The following RGS7 variants were observed in gnomAD, a reference collection of about 807,000 sequenced individuals.
RGS7 encodes regulator of G-protein signaling 7.
In RGS7, 27 loss-of-function variants were observed where a neutral mutation model predicts 81.1. The ratio of observed to expected loss-of-function variants is 0.33; its 90% CI spans 0.25 to 0.46. The LOEUF (loss-of-function observed/expected upper bound fraction) is 0.46. RGS7 is among the 20% of genes least tolerant of loss of function. The pLI, the probability that RGS7 is intolerant of heterozygous loss-of-function variation, is 1.00. For synonymous variants in RGS7, 208 were observed against 207.7 expected, an observed-to-expected ratio of 1.00 and a Z score of -0.01; for missense variants, 396 against 607.4, an observed-to-expected ratio of 0.65 and a Z score of 3.66.
Position 240,775,974 on chromosome 1 carries a change from C to T in RGS7, c.*246G>A, listed in dbSNP as rs1682870010. 1 of 619,646 alleles carries T rather than the reference C, an allele frequency of 1.6e-6. No individual in the cohort carries two copies. 38.4% of individuals were successfully genotyped at this position (619,646 alleles called of 1,614,324 possible). On this transcript the variant is annotated 3_prime_UTR_variant, in exon 19 of 19. Transcript: ENST00000440928. ...ATAGTAGAAGGAGAAAGAAAGCAGA[C>T]AACAGTTTGGAATGGAGGCATTGAG...
intron 2 of RGS7, among the ~76,000 whole-genome samples, chr1:241,234,161 C>T (rs891266229): frequency 6.6e-6 from 1 of 152,212 alleles, no homozygotes; most frequent in African/African-American, 2.4e-5. Flanking sequence ...TGCATGGACA[C>T]TGTCATTTCT....
intron 2 of RGS7, among the ~76,000 whole-genome samples, chr1:241,116,704 G>A (rs894979110): frequency 3.3e-5 from 5 of 152,092 alleles, no homozygotes; most frequent in African/African-American, 1.2e-4. Flanking sequence ...GGTACATAGT[G>A]ATGTTTCAAT....
In RGS7 at chr1:240,814,778, C is replaced by T; in HGVS notation, c.784-1G>A. On this transcript the variant is annotated splice_acceptor_variant, in intron 11 of 18. Coordinates refer to ENST00000440928, the MANE Select transcript of RGS7 (RefSeq NM_001364886.1). LOFTEE classifies it high-confidence loss of function. ...CTAACTGTATTTGCCAATATTTTATCTGAAAAGAGGGTTAGAGAAGGAGTT... is the reference window on the plus strand; with the variant it reads ...CTAACTGTATTTGCCAATATTTTATTTGAAAAGAGGGTTAGAGAAGGAGTT... The T allele has an allele frequency of 6.3e-7, 1 of 1,580,850 alleles. No individual in the cohort carries two copies. The highest frequency in any genetic ancestry group is 8.7e-7 in the Non-Finnish European group (1 of 1,150,292).
intron 2 of RGS7, among the ~76,000 whole-genome samples, chr1:241,188,608 C>CA (rs1358302487): frequency 1.1e-4 from 17 of 152,128 alleles, no homozygotes; most frequent in South Asian, 2.1e-4. Context: ...CGTTTTACTA[C>CA]AAAAAATGCT....
chr1:241,073,905 CT>C (rs200571282), intron 3 of RGS7, among the ~76,000 whole-genome samples: 11,463 of 141,356 alleles, frequency 0.081, 578 homozygotes, highest in African/African-American at 0.15. Flanking sequence ...CTCTTCGTTC[CT>C]TTTTTTTTTT....
At chr1:241,258,762 A>G (rs1366531188) in intron 2 of RGS7, among the ~76,000 whole-genome samples, 2 of 152,234 alleles carry the variant, frequency 1.3e-5, no homozygotes, top group African/African-American at 4.8e-5. Flanking sequence ...GCAAAAATTC[A>G]GGAGGGAAAA....
Position 241,121,710 on chromosome 1 carries a change from C to CTTTTTTTTTT in RGS7, c.79-22958_79-22949dup, listed in dbSNP as rs10681773. Among the ~76,000 whole-genome samples the CTTTTTTTTTT allele has an allele frequency of 4.8e-4, 32 of 66,400 alleles. 2 individuals carry two copies. Among genetic ancestry groups the CTTTTTTTTTT allele is most frequent in the East Asian group, 1.1e-3 (2 of 1,804 alleles). 43.6% of individuals were successfully genotyped at this position (66,400 alleles called of 152,430 possible). A position where few individuals can be genotyped will look rare whatever the true frequency, so the allele number is the denominator to read the frequency against. On this transcript the variant is annotated intron_variant, in intron 2 of 18. Transcript: ENST00000440928. ...TCTATCCACCTGTGTTGCAATTGTTCTTTTTTTTTTTTTTTTTTTTTTTTT... is the reference window on the plus strand; with the variant it reads ...TCTATCCACCTGTGTTGCAATTGTTCTTTTTTTTTTTTTTTTTTTTTTTTTTTTTTTTTTT...
At chr1:240,951,118 C>T (rs1297872764) in intron 4 of RGS7, among the ~76,000 whole-genome samples, 1 of 152,094 alleles carries the variant, frequency 6.6e-6, no homozygotes, top group African/African-American at 2.4e-5. Flanking sequence ...TGGGGTCTCA[C>T]CACATTGCCC....
chr1:240,992,465 C>T (rs1269655106), intron 3 of RGS7, among the ~76,000 whole-genome samples: 1 of 151,942 alleles, frequency 6.6e-6, no homozygotes. Flanking sequence ...GATCACGCCA[C>T]TGCACTCCAG....
intron 2 of RGS7, among the ~76,000 whole-genome samples, chr1:241,278,162 T>G (rs1243932314): frequency 6.6e-6 from 1 of 152,188 alleles, no homozygotes; most frequent in Admixed American, 6.5e-5. Flanking sequence ...ATTTTTTTCT[T>G]CTACTTATTG....
chr1:241,115,279 G>A (rs2102971376), intron 2 of RGS7, among the ~76,000 whole-genome samples: 1 of 152,154 alleles, frequency 6.6e-6, no homozygotes, highest in Non-Finnish European at 1.5e-5. Context: ...GTTATTTCAG[G>A]TTGACAGAAT....
chr1:240,963,437 T>C (rs868250835), intron 4 of RGS7, among the ~76,000 whole-genome samples: 4 of 152,220 alleles, frequency 2.6e-5, no homozygotes, highest in Middle Eastern at 3.4e-3. Flanking sequence ...CCCTGAAAGT[T>C]AAGAGGCAAA....
intron 2 of RGS7, among the ~76,000 whole-genome samples, chr1:241,285,362 C>G (rs768258673): frequency 5.9e-5 from 9 of 152,142 alleles, no homozygotes; most frequent in Non-Finnish European, 1.0e-4. Context: ...CCTGAGTCCC[C>G]AGCTAATCTG....
intron 2 of RGS7, among the ~76,000 whole-genome samples, chr1:241,255,892 C>G (rs1573377232): frequency 6.6e-6 from 1 of 152,170 alleles, no homozygotes; most frequent in South Asian, 2.1e-4. Flanking sequence ...ACCAGAAATT[C>G]TGACTGGGGC....
rs906831477 is a variant in RGS7 at position 240,877,926 on chromosome 1, T to C, written c.386-7807A>G. Among the ~76,000 whole-genome samples the C allele has an allele frequency of 2.0e-5, 3 of 152,316 alleles. No homozygotes were observed. The South Asian group carries it at 6.2e-4, about 32-fold the overall frequency. On this transcript the variant is annotated intron_variant, in intron 6 of 18. Coordinates refer to ENST00000440928, the MANE Select transcript of RGS7 (RefSeq NM_001364886.1). ...ATTTTCAGCAAAGCCATCAGAGTTA[T>C]TCTGTTAAGACATAAGTCAGATAGT...
At chr1:240,952,317 A>G (rs1256664429) in intron 4 of RGS7, among the ~76,000 whole-genome samples, 1 of 152,084 alleles carries the variant, frequency 6.6e-6, no homozygotes, top group Non-Finnish European at 1.5e-5. Context: ...ATTATAAAAT[A>G]TGGATAAGTG....
chr1:241,331,777 T>C (rs985793617), intron 2 of RGS7, among the ~76,000 whole-genome samples: 1 of 152,200 alleles, frequency 6.6e-6, no homozygotes, highest in African/African-American at 2.4e-5. Flanking sequence ...GCAATACAGC[T>C]TCTATTCAGA....
intron 2 of RGS7, among the ~76,000 whole-genome samples, chr1:241,245,026 G>A (rs1307119073): frequency 1.3e-5 from 2 of 151,816 alleles, no homozygotes; most frequent in Admixed American, 6.6e-5. Context: ...GTTAATGGGT[G>A]CAGCACACCA....
intron 6 of RGS7, among the ~76,000 whole-genome samples, chr1:240,880,487 C>A (rs543739288): frequency 6.6e-6 from 1 of 152,350 alleles, no homozygotes; most frequent in South Asian, 2.1e-4. Flanking sequence ...CTGCAGCAAT[C>A]CTTCAAGGCC....
Sources: allele counts gnomAD v4.1 joint callset (sites outside exome capture counted in the v4.1 genomes callset), GRCh38; gene constraint gnomAD v4.1.1; transcripts MANE v1.5; gene names NCBI Gene and HGNC (gene_info 2026-07-23, HGNC 2026-07-21).